GLI3: variants seen among roughly 807,000 people sequenced by gnomAD.
GLI3 encodes transcription activator GLI3.
GLI3 carries 20 observed loss-of-function variants against 100.8 expected under a neutral mutation model. The observed-to-expected ratio is 0.20, with a 90% CI of 0.14 to 0.29. GLI3 has a LOEUF of 0.29. Ranked by LOEUF, GLI3 falls within the 10% of genes least tolerant of loss-of-function variation. The pLI, the probability that GLI3 is intolerant of heterozygous loss-of-function variation, is 1.00. For synonymous variants in GLI3, 938 were observed against 860.5 expected (o/e 1.09, Z -1.58); for missense variants, 2,040 against 2,128.5 (o/e 0.96, Z 0.82).
chr7:42,003,188 AAAAG>A (rs1323220249), intron 10 of GLI3, among the ~76,000 whole-genome samples: 1 of 152,232 alleles, frequency 6.6e-6, no homozygotes, highest in African/African-American at 2.4e-5. Flanking sequence ...TTGAAATATC[AAAAG>A]AAAGAAGACA....
chr7:42,015,646 G>A (rs910524170), intron 10 of GLI3, among the ~76,000 whole-genome samples: 3 of 151,364 alleles, frequency 2.0e-5, no homozygotes, highest in Admixed American at 2.0e-4. Context: ...CAAGAAAACG[G>A]GCTTGGCTGG....
At chr7:42,127,320 T>C (rs1257646889) in intron 3 of GLI3, among the ~76,000 whole-genome samples, 3 of 152,192 alleles carry the variant, frequency 2.0e-5, no homozygotes, top group African/African-American at 4.8e-5. Flanking sequence ...CCATTACACA[T>C]TTTTCAGAGA....
intron 3 of GLI3, among the ~76,000 whole-genome samples, chr7:42,096,055 G>T (rs578255718): frequency 2.0e-5 from 3 of 152,276 alleles, no homozygotes; most frequent in African/African-American, 7.2e-5. Flanking sequence ...CACAGCTTCC[G>T]GAGCCAGGGT....
At chr7:42,073,394 C>T (rs189253946) in intron 4 of GLI3, among the ~76,000 whole-genome samples, 29 of 152,274 alleles carry the variant, frequency 1.9e-4, no homozygotes, top group Non-Finnish European at 3.7e-4. Context: ...TCTGTAATTG[C>T]AGTTGTTCTA....
intron 4 of GLI3, among the ~76,000 whole-genome samples, chr7:42,064,935 G>C (rs980459053): frequency 6.6e-6 from 1 of 152,062 alleles, no homozygotes; most frequent in Non-Finnish European, 1.5e-5. Flanking sequence ...AGCCATATTG[G>C]GGGCTCACAG....
chr7:42,249,455 A>G (rs1432090243), intron 1 of GLI3, among the ~76,000 whole-genome samples: 2 of 152,230 alleles, frequency 1.3e-5, no homozygotes, highest in Non-Finnish European at 2.9e-5. Context: ...GTGGAAGGCC[A>G]TATTTAGTCT....
At chr7:42,003,715 T>C (rs1169250983) in intron 10 of GLI3, among the ~76,000 whole-genome samples, 3 of 152,132 alleles carry the variant, frequency 2.0e-5, no homozygotes, top group Non-Finnish European at 4.4e-5. Flanking sequence ...CTCAAAAGGC[T>C]GTAGATCCAA....
intron 10 of GLI3, among the ~76,000 whole-genome samples, chr7:41,986,780 G>A (rs1191225651): frequency 6.6e-6 from 1 of 151,510 alleles, no homozygotes; most frequent in Non-Finnish European, 1.5e-5. Flanking sequence ...CAAAACATAC[G>A]AATTGCTGTA....
At chr7:42,068,566 G>A (rs1267751451) in intron 4 of GLI3, among the ~76,000 whole-genome samples, 1 of 152,140 alleles carries the variant, frequency 6.6e-6, no homozygotes, top group East Asian at 1.9e-4. Flanking sequence ...TAGCAAGCAG[G>A]TTCCTGGAAA....
chr7:41,968,027 T>G, intron 13 of GLI3, 104 bp from the exon 14 acceptor site: 3 of 959,456 alleles, frequency 3.1e-6, no homozygotes, highest in Non-Finnish European at 5.1e-6. Context: ...AGATCATCAG[T>G]TGGTTGAATG....
intron 2 of GLI3, among the ~76,000 whole-genome samples, chr7:42,160,121 G>T (rs1308372253): frequency 6.6e-6 from 1 of 152,126 alleles, no homozygotes; most frequent in African/African-American, 2.4e-5. Context: ...ACTTCATAGG[G>T]TATTGTGAGG....
chr7:41,989,342 T>C (rs529287133), intron 10 of GLI3, among the ~76,000 whole-genome samples: 4 of 152,252 alleles, frequency 2.6e-5, no homozygotes, highest in Admixed American at 6.5e-5. Flanking sequence ...CCAGCAAACA[T>C]GGTAAGAGCC....
At chr7:42,139,450 C>T (rs568498414) in intron 3 of GLI3, among the ~76,000 whole-genome samples, 4 of 152,096 alleles carry the variant, frequency 2.6e-5, no homozygotes, top group Non-Finnish European at 4.4e-5. Flanking sequence ...GAGGCCGAGA[C>T]GGGCAGATCA....
chr7:42,045,648 T>C lies in GLI3; in HGVS notation c.680-118A>G. The C allele has an allele frequency of 3.5e-6, 3 of 853,900 alleles. No homozygotes were observed. In the South Asian group the frequency reaches 4.2e-5, roughly 12 times the overall value. The allele number at this position is 853,900 out of a possible 1,614,324, so 52.9% of individuals were successfully genotyped here. On this transcript the variant is annotated intron_variant, in intron 5 of 14. Coordinates refer to ENST00000395925, the MANE Select transcript of GLI3 (RefSeq NM_000168.6). ...ATCAGCAATTCCTTTTATGGCTTATTAGAGTAAAGCTCCTTTAACTCAAAT... is the reference window on the plus strand; with the variant it reads ...ATCAGCAATTCCTTTTATGGCTTATCAGAGTAAAGCTCCTTTAACTCAAAT...
intron 2 of GLI3, among the ~76,000 whole-genome samples, chr7:42,200,890 A>G (rs73311708): frequency 0.026 from 3,942 of 152,274 alleles, 182 homozygotes; most frequent in African/African-American, 0.09. Context: ...CATGAAAACC[A>G]TTTCTAGGAG....
At chr7:42,232,510 G>A (rs902412869) in intron 1 of GLI3, among the ~76,000 whole-genome samples, 1 of 152,210 alleles carries the variant, frequency 6.6e-6, no homozygotes, top group Non-Finnish European at 1.5e-5. Flanking sequence ...AATGAATTTG[G>A]GGCTTGAACA....
chr7:42,186,154 C>G (rs879694606), intron 2 of GLI3, among the ~76,000 whole-genome samples: 1 of 152,188 alleles, frequency 6.6e-6, no homozygotes, highest in Non-Finnish European at 1.5e-5. Context: ...ACAGTAAAAT[C>G]TCAGCTCCTC....
chr7:42,223,102 GGCTGCTGGTAATCCCTGT>G lies in GLI3; in HGVS notation c.124+10_124+27del, dbSNP rs1262034563. On this transcript the variant is annotated intron_variant, in intron 2 of 14. Transcript: ENST00000395925. ...AGAACACAGAAATGACTCCAGGCTG[GGCTGCTGGTAATCCCTGT>G]GCTGCTCACCATTAGAAGTGGTGCT... 3.1e-6 allele frequency: 5 copies of G among 1,612,758 alleles called. No individual in the cohort carries two copies. The highest frequency in any genetic ancestry group is 4.2e-6 in the Non-Finnish European group (5 of 1,179,160).
intron 2 of GLI3, 47 bp from the exon 3 acceptor site, chr7:42,148,515 G>C (rs371440648): frequency 1.3e-6 from 2 of 1,567,888 alleles, no homozygotes; most frequent in Non-Finnish European, 1.8e-6. Context: ...ACTTTAAGGA[G>C]CAATTAAAAA....
Sources: allele counts gnomAD v4.1 joint callset (sites outside exome capture counted in the v4.1 genomes callset), GRCh38; gene constraint gnomAD v4.1.1; transcripts MANE v1.5; gene names NCBI Gene and HGNC (gene_info 2026-07-23, HGNC 2026-07-21).